PRELID2: variants seen among roughly 807,000 people sequenced by gnomAD.
The protein encoded by PRELID2 is PRELI domain-containing protein 2.
A neutral mutation model predicts 28.4 loss-of-function variants in PRELID2; 25 were observed. The observed-to-expected ratio is 0.88, with a 90% confidence interval of 0.64 to 1.23. The LOEUF is 1.23. Among genes scored for constraint, PRELID2 ranks in the 50% most tolerant of loss-of-function variants. PRELID2 has a pLI of 0.00. For missense variants in PRELID2, 201 were observed against 214.4 expected (o/e 0.94, Z 0.39); for synonymous variants, 76 against 71.6 (o/e 1.06, Z -0.31).
At chr5:145,476,626 C>A (rs964969126) in intron 1 of PRELID2, among the ~76,000 whole-genome samples, 5 of 150,950 alleles carry the variant, frequency 3.3e-5, no homozygotes, top group African/African-American at 1.2e-4. Context: ...GCCTGGGCAA[C>A]AAGAGTGAAA....
At chr5:145,420,048 C>A in the PRELID2 span, among the ~76,000 whole-genome samples, 4 of 150,148 alleles carry the variant, frequency 2.7e-5, no homozygotes, top group Admixed American at 2.6e-4. Flanking sequence ...TGTAGATATG[C>A]GGCATTATTT....
chr5:145,405,699 G>GTTTT, the PRELID2 span, among the ~76,000 whole-genome samples: 4 of 45,990 alleles, frequency 8.7e-5, no homozygotes, highest in Admixed American at 3.2e-4. Context: ...GTACCACATA[G>GTTTT]TTGTTTTTTT....
intron 1 of PRELID2, among the ~76,000 whole-genome samples, chr5:145,735,318 A>G (rs1756465918): frequency 6.6e-6 from 1 of 152,074 alleles, no homozygotes. Flanking sequence ...AGATCACAGC[A>G]AGAAATAGAA....
At chr5:145,750,918 T>C (rs1292215472) in intron 1 of PRELID2, among the ~76,000 whole-genome samples, 2 of 152,168 alleles carry the variant, frequency 1.3e-5, no homozygotes, top group African/African-American at 4.8e-5. Context: ...TTATACCAAT[T>C]CCCATTGATT....
At chr5:145,311,645 C>T in the PRELID2 span, among the ~76,000 whole-genome samples, 55 of 152,228 alleles carry the variant, frequency 3.6e-4, 1 homozygote, top group African/African-American at 1.2e-3. Context: ...AGCAATAACA[C>T]CAATTCCATG....
the PRELID2 span, among the ~76,000 whole-genome samples, chr5:145,233,970 T>C: frequency 4.5e-3 from 680 of 152,214 alleles, 3 homozygotes; most frequent in African/African-American, 0.015. Context: ...GCTTTCAGAG[T>C]CTTTGCATTT....
chr5:145,604,881 C>CTATATATATATATATATATATATATA (rs1347559677), intron 1 of PRELID2, among the ~76,000 whole-genome samples: 52 of 85,666 alleles, frequency 6.1e-4, no homozygotes, highest in African/African-American at 2.7e-3. Context: ...TGCTTGTTGG[C>CTATATATATATATATATATATATATA]CATATATATA....
intron 4 of PRELID2, among the ~76,000 whole-genome samples, chr5:145,798,021 T>A (rs566680685): frequency 6.6e-6 from 1 of 151,278 alleles, no homozygotes; most frequent in Admixed American, 6.6e-5. Context: ...AAAGAAACTA[T>A]GAGAAAAATG....
chr5:145,390,548 A>T, the PRELID2 span, among the ~76,000 whole-genome samples: 3 of 152,154 alleles, frequency 2.0e-5, no homozygotes, highest in Non-Finnish European at 4.4e-5. Flanking sequence ...ATTACCTCCC[A>T]CTGGGATCCT....
chr5:145,421,600 T>C, the PRELID2 span, among the ~76,000 whole-genome samples: 4 of 139,328 alleles, frequency 2.9e-5, no homozygotes, highest in East Asian at 6.0e-4. Flanking sequence ...CATTTTTTAT[T>C]GCGTCTATTT....
At chr5:145,720,252 C>T (rs1328302907) in intron 1 of PRELID2, among the ~76,000 whole-genome samples, 1 of 151,446 alleles carries the variant, frequency 6.6e-6, no homozygotes, top group African/African-American at 2.4e-5. Flanking sequence ...AATGGGCCCA[C>T]CAGATACTTG....
At chr5:145,572,646 C>T (rs1227234065) in intron 1 of PRELID2, among the ~76,000 whole-genome samples, 1 of 152,084 alleles carries the variant, frequency 6.6e-6, no homozygotes, top group African/African-American at 2.4e-5. Context: ...CCTTTGGCAC[C>T]CTGATTAACA....
At chr5:145,277,290 T>G in the PRELID2 span, among the ~76,000 whole-genome samples, 1 of 152,186 alleles carries the variant, frequency 6.6e-6, no homozygotes, top group East Asian at 1.9e-4. Flanking sequence ...ACTTCATGTA[T>G]CTTTTAAAGT....
At chr5:145,581,913 TC>T (rs1324532851) in intron 1 of PRELID2, among the ~76,000 whole-genome samples, 3 of 152,092 alleles carry the variant, frequency 2.0e-5, no homozygotes, top group African/African-American at 7.2e-5. Context: ...TTACCAGTTA[TC>T]TTTTTTTGTT....
chr5:145,517,069 A>T (rs942185493), intron 1 of PRELID2, among the ~76,000 whole-genome samples: 11 of 152,196 alleles, frequency 7.2e-5, no homozygotes, highest in Non-Finnish European at 1.5e-4. Context: ...TTCAGGACAC[A>T]GGCATGAGCA....
the PRELID2 span, among the ~76,000 whole-genome samples, chr5:145,354,457 C>A: frequency 1.3e-5 from 2 of 152,116 alleles, no homozygotes; most frequent in Non-Finnish European, 2.9e-5. Context: ...TGGTTGAAAA[C>A]AACCTCCCTA....
chr5:145,773,957 C>A (rs921089913), intron 5 of PRELID2, among the ~76,000 whole-genome samples: 2 of 152,176 alleles, frequency 1.3e-5, no homozygotes, highest in African/African-American at 4.8e-5. Flanking sequence ...TCTCCTTCCC[C>A]ACAGGTTCAT....
the PRELID2 span, among the ~76,000 whole-genome samples, chr5:145,288,197 A>G: frequency 2.0e-5 from 3 of 152,172 alleles, no homozygotes; most frequent in African/African-American, 7.2e-5. Context: ...TATAAGAAGC[A>G]TACACTTTAA....
At chr5:145,620,140 G>A (rs1469295253) in intron 1 of PRELID2, among the ~76,000 whole-genome samples, 1 of 152,170 alleles carries the variant, frequency 6.6e-6, no homozygotes, top group Admixed American at 6.5e-5. Context: ...ATTATCCATA[G>A]CAGCATTATT....
Sources: gnomAD v4.1 joint callset for allele counts (sites outside exome capture counted in the v4.1 genomes callset) on GRCh38, gnomAD v4.1.1 for gene constraint, MANE v1.5 for transcripts, NCBI Gene and HGNC (gene_info 2026-07-23, HGNC 2026-07-21) for gene names.